PLCL2: variants seen among roughly 807,000 people sequenced by gnomAD.
PLCL2 encodes the protein inactive phospholipase C-like protein 2.
Under a neutral mutation model 79.6 loss-of-function variants are expected in PLCL2, and 4 were observed. The observed-to-expected ratio is 0.05, with a 90% CI of 0.02 to 0.11. The LOEUF is 0.11. PLCL2 is among the 10% of genes least tolerant of loss of function. PLCL2 has a pLI of 1.00. For synonymous variants in PLCL2, 484 were observed against 457.7 expected (o/e 1.06, Z -0.73); for missense variants, 895 against 1,291.0 (o/e 0.69, Z 4.70).
Position 16,886,489 on chromosome 3 carries a change from T to C in PLCL2, c.327+1123T>C, listed in dbSNP as rs1181771512. Among the ~76,000 whole-genome samples the C allele has an allele frequency of 6.6e-6, 1 of 152,236 alleles. No homozygotes were observed. Among genetic ancestry groups the C allele is most frequent in the East Asian group, 1.9e-4 (1 of 5,202 alleles). On this transcript the variant is annotated intron_variant, in intron 1 of 5. Coordinates refer to ENST00000615277, the MANE Select transcript of PLCL2 (RefSeq NM_001144382.2). The surrounding 1 kb of genome is among the most constrained non-coding windows in gnomAD (Gnocchi z 4.2). ...ATCTTCCAAGTACTGTGAAAATGTC[T>C]GATGGTGTTATCAACTTATGCAGTA... is the stretch of plus-strand genomic sequence containing the variant.
chr3:17,055,304 G>C (rs757020502), intron 4 of PLCL2, among the ~76,000 whole-genome samples: 24 of 152,104 alleles, frequency 1.6e-4, no homozygotes, highest in South Asian at 4.1e-4. Context: ...GTGAAGTCAA[G>C]GGAAGAAGAG....
At chr3:17,050,350 C>T (rs898694235) in intron 4 of PLCL2, among the ~76,000 whole-genome samples, 4 of 151,974 alleles carry the variant, frequency 2.6e-5, no homozygotes, top group Admixed American at 6.6e-5. Context: ...GGCTTCCACA[C>T]AGTAAAGGAA....
chr3:17,078,994 C>T (rs2065135398), intron 5 of PLCL2, among the ~76,000 whole-genome samples: 1 of 152,174 alleles, frequency 6.6e-6, no homozygotes, highest in Non-Finnish European at 1.5e-5. Context: ...CTTTCTGGTC[C>T]ATTTGAAATA....
At chr3:16,897,971 C>G (rs1696522590) in intron 1 of PLCL2, among the ~76,000 whole-genome samples, 1 of 151,120 alleles carries the variant, frequency 6.6e-6, no homozygotes, top group Non-Finnish European at 1.5e-5. Context: ...TTGTCATTCC[C>G]ATTTATTTTT....
intron 1 of PLCL2, among the ~76,000 whole-genome samples, chr3:16,936,839 T>A (rs986821262): frequency 1.3e-5 from 2 of 152,224 alleles, no homozygotes; most frequent in South Asian, 2.1e-4. Context: ...TTCTTTTTTT[T>A]CTTCATGACA....
At chr3:17,064,671 T>C (rs1436061420) in intron 4 of PLCL2, among the ~76,000 whole-genome samples, 1 of 152,034 alleles carries the variant, frequency 6.6e-6, no homozygotes, top group East Asian at 1.9e-4. Context: ...CTGTGGTGGA[T>C]TTTGTCATTT....
At chr3:17,068,210 C>G in intron 5 of PLCL2, 145 bp downstream of exon 5, 1 of 566,936 alleles carries the variant, frequency 1.8e-6, no homozygotes, top group Non-Finnish European at 3.2e-6. Context: ...AGAACTCTGC[C>G]CTTCTAGAGT....
chr3:17,002,137 G>A (rs2064218002), intron 1 of PLCL2, among the ~76,000 whole-genome samples: 1 of 151,708 alleles, frequency 6.6e-6, no homozygotes, highest in South Asian at 2.1e-4. Context: ...TTCACTATTG[G>A]CATATAGTAA....
At position 16,885,100 on chromosome 3, in the gene PLCL2, G is replaced by C; in HGVS notation, c.61G>C (p.Ala21Pro). ...GGCCCTGCCCACCTCCCCGGGCCCG[G>C]CCCTCGGCGCCAAGGGCGCCCTGAA... ...GGALPTSPGP[A>P]LGAKGALKAG... Residue 21 changes from alanine to proline, a missense_variant, in exon 1 of 6, where the codon GCC (alanine) becomes CCC (proline). Around this residue, in one of 6 missense-constraint regions of PLCL2, gnomAD observed 110 missense variants for 42.9 expected, o/e 2.56. Coordinates refer to ENST00000615277, the MANE Select transcript of PLCL2 (RefSeq NM_001144382.2). The C allele has an allele frequency of 2.2e-6, 1 of 447,578 alleles. No individual in the cohort carries two copies. The highest frequency in any genetic ancestry group is 4.0e-5 in the South Asian group (1 of 24,870). 27.7% of individuals were successfully genotyped at this position (447,578 alleles called of 1,614,324 possible). A position where few individuals can be genotyped will look rare whatever the true frequency, so the allele number is the denominator to read the frequency against.
chr3:16,964,536 G>A lies in PLCL2; in HGVS notation c.328-45138G>A, dbSNP rs908706160. ...TTATAATCCTTTGGGTATATACCCA[G>A]TAATGGGATGGCTGGGTCAAATGGT... On this transcript the variant is annotated intron_variant, in intron 1 of 5. Coordinates refer to ENST00000615277, the MANE Select transcript of PLCL2 (RefSeq NM_001144382.2). 7.2e-5 allele frequency among the ~76,000 whole-genome samples: 11 copies of A among 152,308 alleles called. 2 individuals are homozygous for A. The highest frequency in any genetic ancestry group is 1.2e-4 in the African/African-American group (5 of 41,578).
intron 4 of PLCL2, among the ~76,000 whole-genome samples, chr3:17,055,978 C>T (rs1008834826): frequency 1.3e-5 from 2 of 152,284 alleles, no homozygotes; most frequent in Middle Eastern, 6.8e-3. Context: ...TTTGGGGACA[C>T]TTGCCCTTCC....
intron 1 of PLCL2, among the ~76,000 whole-genome samples, chr3:16,969,403 A>G (rs931413542): frequency 6.6e-6 from 1 of 151,942 alleles, no homozygotes; most frequent in Non-Finnish European, 1.5e-5. Context: ...GCTTTTTATT[A>G]CGAATTCAGT....
intron 1 of PLCL2, among the ~76,000 whole-genome samples, chr3:16,950,195 G>T (rs1312277612): frequency 6.6e-6 from 1 of 152,076 alleles, no homozygotes; most frequent in Non-Finnish European, 1.5e-5. Flanking sequence ...TTTTGTTAGG[G>T]ATTATATGAA....
rs1559529533 is a variant in PLCL2 at position 17,042,969 on chromosome 3, C to T, written c.3094+20C>T. 3 of 1,538,616 alleles carry T rather than the reference C, an allele frequency of 1.9e-6. No homozygotes were observed. Among genetic ancestry groups the T allele is most frequent in the Non-Finnish European group, 2.7e-6 (3 of 1,111,676 alleles). The stretch of plus-strand genomic sequence containing the variant: ...AGGCAGGTAAGTGAAAGTTTGTTTC[C>T]TCTCTTTAAATGAAATTAATAGCAT... On this transcript the variant is annotated intron_variant, in intron 4 of 5. Transcript: ENST00000615277.
intron 1 of PLCL2, among the ~76,000 whole-genome samples, chr3:16,938,234 A>G (rs1373547674): frequency 6.6e-6 from 1 of 152,242 alleles, no homozygotes; most frequent in African/African-American, 2.4e-5. Flanking sequence ...TAATTAAATT[A>G]AGATGAACTA....
intron 1 of PLCL2, among the ~76,000 whole-genome samples, chr3:16,893,182 C>T (rs1559477826): frequency 2.0e-5 from 3 of 152,176 alleles, no homozygotes; most frequent in African/African-American, 7.2e-5. Context: ...GGACCTTGTC[C>T]TTTTCCTCTC....
chr3:16,997,237 C>T (rs1330278477), intron 1 of PLCL2, among the ~76,000 whole-genome samples: 1 of 152,144 alleles, frequency 6.6e-6, no homozygotes, highest in Non-Finnish European at 1.5e-5. Context: ...AGGCCCATTC[C>T]CTTTAAAAGT....
At chr3:16,955,856 T>C (rs2124963752) in intron 1 of PLCL2, among the ~76,000 whole-genome samples, 1 of 152,310 alleles carries the variant, frequency 6.6e-6, no homozygotes, top group Non-Finnish European at 1.5e-5. Context: ...TAAGAATGCT[T>C]GTGATTTTTG....
At chr3:17,043,114 A>G (rs781310744) in intron 4 of PLCL2, among the ~76,000 whole-genome samples, 165 bp downstream of exon 4, 6 of 152,202 alleles carry the variant, frequency 3.9e-5, no homozygotes, top group Non-Finnish European at 8.8e-5. Context: ...GCCTTGGGTA[A>G]CAAACTCACC....
Sources: allele counts gnomAD v4.1 joint callset (sites outside exome capture counted in the v4.1 genomes callset), GRCh38; gene constraint gnomAD v4.1.1; regional missense constraint gnomAD v4.1.1; non-coding constraint Gnocchi (gnomAD v3.1); transcripts MANE v1.5; gene names NCBI Gene and HGNC (gene_info 2026-07-23, HGNC 2026-07-21).